ANKRD36C: variants seen among roughly 807,000 people sequenced by gnomAD.
The protein encoded by ANKRD36C is ankyrin repeat domain-containing protein 36C.
Under a neutral mutation model 276.4 loss-of-function variants are expected in ANKRD36C, and 61 were observed. The ratio of observed to expected loss-of-function variants is 0.22; its 90% CI spans 0.18 to 0.27. The LOEUF (loss-of-function observed/expected upper bound fraction) is 0.27, where lower values mean the gene tolerates loss of function less well. Among genes scored for constraint, ANKRD36C ranks in the 10% least tolerant of loss-of-function variants. The pLI, the probability that ANKRD36C is intolerant of heterozygous loss-of-function variation, is 1.00. For synonymous variants in ANKRD36C, 483 were observed against 680.1 expected, an observed-to-expected ratio of 0.71 and a Z score of 4.51; for missense variants, 1,447 against 2,032.3, an observed-to-expected ratio of 0.71 and a Z score of 5.54.
At chr2:95,958,825 T>C (rs1678391626) in intron 10 of ANKRD36C, 40 bp from the exon 11 acceptor site, 1 of 1,503,002 alleles carries the variant, frequency 6.7e-7, no homozygotes, top group Non-Finnish European at 8.9e-7. Flanking sequence ...CATATGTAAA[T>C]ATGATAAAGT....
At chr2:95,957,465 T>C (rs981200599) in intron 12 of ANKRD36C, among the ~76,000 whole-genome samples, 22 of 152,412 alleles carry the variant, frequency 1.4e-4, no homozygotes, top group Non-Finnish European at 3.2e-4. Flanking sequence ...AATCCTATTA[T>C]ATGCTATTCA....
chr2:95,897,539 A>G, intron 44 of ANKRD36C, 74 bp from the exon 59 acceptor site: 1 of 1,507,230 alleles, frequency 6.6e-7, no homozygotes, highest in Non-Finnish European at 9.0e-7. Flanking sequence ...ATGCAGTGTT[A>G]GCATCAACCT....
intron 6 of ANKRD36C, among the ~76,000 whole-genome samples, chr2:95,973,239 C>G (rs747723861): frequency 7.2e-5 from 11 of 152,140 alleles, no homozygotes; most frequent in South Asian, 2.1e-4. Context: ...CGGTGAAACC[C>G]CGTCTCTACT....
At chr2:95,960,036 A>G (rs1457764754) in intron 10 of ANKRD36C, among the ~76,000 whole-genome samples, 1 of 152,064 alleles carries the variant, frequency 6.6e-6, no homozygotes, top group Non-Finnish European at 1.5e-5. Flanking sequence ...AATAATTACA[A>G]CATCAGTGGT....
chr2:95,919,061 C>A (rs1250495601), intron 34 of ANKRD36C, among the ~76,000 whole-genome samples: 1 of 135,626 alleles, frequency 7.4e-6, no homozygotes, highest in Non-Finnish European at 1.7e-5. Context: ...CTAATAGTAA[C>A]AAAAAGGAGT....
chr2:95,892,294 C>A (rs1235275090), intron 44 of ANKRD36C, among the ~76,000 whole-genome samples: 1 of 151,514 alleles, frequency 6.6e-6, no homozygotes, highest in Non-Finnish European at 1.5e-5. Flanking sequence ...TGCTCTTTAA[C>A]TTGCCCAGTT....
intron 17 of ANKRD36C, among the ~76,000 whole-genome samples, chr2:95,947,048 AAAAT>A (rs1162499230): frequency 6.6e-6 from 1 of 152,056 alleles, no homozygotes; most frequent in East Asian, 1.9e-4. Context: ...AAAAAATAAA[AAAAT>A]AAAAAAAGAG....
At chr2:95,962,358 C>T in exon 8 of ANKRD36C, 2 of 1,555,056 alleles carry the variant, frequency 1.3e-6, no homozygotes, top group East Asian at 2.4e-5. Context: ...ATACCTGTCC[C>T]AGATTTTTGT....
At chr2:95,855,718 G>C (rs1441262180) in exon 63 of ANKRD36C, 4 of 1,612,928 alleles carry the variant, frequency 2.5e-6, no homozygotes, top group East Asian at 2.2e-5. Context: ...GAAAGTTGCA[G>C]AGAAAGAATC....
At position 95,878,717 on chromosome 2, in the gene ANKRD36C, G is replaced by A. The variant is rs572324539; in HGVS notation, c.3469+1710C>T. On this transcript the variant is annotated intron_variant, in intron 58 of 66. Transcript: ENST00000456556. The stretch of plus-strand genomic sequence containing the variant: ...ACAGGTATATGGAAAGGTGCTCGAT[G>A]TCACTGATCATCACAGAAATGCAAA... Among the ~76,000 whole-genome samples the A allele has an allele frequency of 4.4e-3, 666 of 152,258 alleles. 2 individuals carry two copies. Among genetic ancestry groups the A allele is most frequent in the Middle Eastern group, 6.8e-3 (2 of 294 alleles).
intron 59 of ANKRD36C, among the ~76,000 whole-genome samples, chr2:95,874,779 A>C (rs1339192150): frequency 3.3e-5 from 5 of 152,254 alleles, no homozygotes; most frequent in Non-Finnish European, 7.3e-5. Context: ...CAACCTACTC[A>C]TCTGACGAAG....
chr2:95,893,341 T>C (rs1357290725), intron 44 of ANKRD36C, among the ~76,000 whole-genome samples, 192 bp downstream of exon 64: 1 of 151,094 alleles, frequency 6.6e-6, no homozygotes, highest in Non-Finnish European at 1.5e-5. Flanking sequence ...GGGAACTGTA[T>C]AATCTTACAG....
rs563150566 is a variant in ANKRD36C at position 95,970,722 on chromosome 2, A to T, written c.799+7400T>A. On this transcript the variant is annotated intron_variant, in intron 6 of 66. Coordinates refer to ENST00000456556, the Ensembl canonical transcript of ANKRD36C. ...GATCCCTCAAAGAAAGAAGGTGAATAAGAAACATATTTGTATGCCTACAGT... is the reference window on the plus strand; with the variant it reads ...GATCCCTCAAAGAAAGAAGGTGAATTAGAAACATATTTGTATGCCTACAGT... Among the ~76,000 whole-genome samples, 48 of 152,238 alleles carry T rather than the reference A, an allele frequency of 3.2e-4. 1 individual carries two copies. The highest frequency in any genetic ancestry group is 7.3e-5 in the Non-Finnish European group (5 of 68,046).
intron 16 of ANKRD36C, among the ~76,000 whole-genome samples, chr2:95,950,108 T>C (rs1197608705): frequency 5.3e-5 from 8 of 152,282 alleles, no homozygotes; most frequent in Non-Finnish European, 8.8e-5. Flanking sequence ...TTTTAATATA[T>C]GCTAAATATA....
At chr2:95,940,325 T>C (rs1231133062) in intron 20 of ANKRD36C, among the ~76,000 whole-genome samples, 1 of 152,414 alleles carries the variant, frequency 6.6e-6, no homozygotes, top group African/African-American at 2.4e-5. Flanking sequence ...CCCGGCTTAA[T>C]CAACTTTTAC....
At position 95,957,015 on chromosome 2, in the gene ANKRD36C, T is replaced by TA. The variant is rs953418656; in HGVS notation, c.1106-200dup. Among the ~76,000 whole-genome samples the TA allele has an allele frequency of 1.2e-3, 179 of 144,750 alleles. 2 individuals are homozygous for TA. Among genetic ancestry groups the TA allele is most frequent in the South Asian group, 0.011 (52 of 4,564 alleles). 95.0% of individuals were successfully genotyped at this position (144,750 alleles called of 152,430 possible). ...CACTCTATCTTTATTTTTAAAAAGT[T>TA]AAAAAAAAAAATCATGTAGGCAGGG... is the stretch of plus-strand genomic sequence containing the variant. On this transcript the variant is annotated intron_variant, in intron 12 of 66. Coordinates refer to ENST00000456556, the Ensembl canonical transcript of ANKRD36C.
chr2:95,881,610 G>A (rs1676078875), intron 56 of ANKRD36C, among the ~76,000 whole-genome samples: 1 of 152,140 alleles, frequency 6.6e-6, no homozygotes, highest in Non-Finnish European at 1.5e-5. Flanking sequence ...ATATATGTGT[G>A]ATGTCTGATA....
intron 5 of ANKRD36C, among the ~76,000 whole-genome samples, chr2:95,980,335 A>G (rs1678891566): frequency 6.6e-6 from 1 of 152,116 alleles, no homozygotes; most frequent in African/African-American, 2.4e-5. Context: ...AAAATCAAAG[A>G]TGTGAAACTA....
chr2:95,914,286 C>G (rs143529115), exon 39 of ANKRD36C: 531 of 1,550,024 alleles, frequency 3.4e-4, no homozygotes, highest in Non-Finnish European at 3.8e-4. Context: ...TTCAAGCCTG[C>G]TGGTTTCTCA....
Sources: allele counts gnomAD v4.1 joint callset (sites outside exome capture counted in the v4.1 genomes callset), GRCh38; gene constraint gnomAD v4.1.1; transcripts MANE v1.5; gene names NCBI Gene and HGNC (gene_info 2026-07-23, HGNC 2026-07-21).